Variants in CMTM8 observed in about 807,000 individuals in gnomAD.
CMTM8 encodes CKLF-like MARVEL transmembrane domain-containing protein 8.
In CMTM8, 12 loss-of-function variants were observed where a neutral mutation model predicts 18.6. The ratio of observed to expected loss-of-function variants is 0.65; its 90% confidence interval spans 0.41 to 1.05. The LOEUF (loss-of-function observed/expected upper bound fraction) is 1.05, where lower values mean the gene tolerates loss of function less well. Among genes scored for constraint, CMTM8 ranks in the 50% least tolerant of loss-of-function variants. The pLI, the probability that CMTM8 is intolerant of heterozygous loss-of-function variation, is 0.00. For missense variants in CMTM8, 217 were observed against 227.2 expected, an observed-to-expected ratio of 0.95 and a Z score of 0.29; for synonymous variants, 87 against 90.6, an observed-to-expected ratio of 0.96 and a Z score of 0.23.
intron 1 of CMTM8, among the ~76,000 whole-genome samples, chr3:32,300,074 C>G (rs142761710): frequency 6.6e-6 from 1 of 152,132 alleles, no homozygotes; most frequent in Admixed American, 6.5e-5. Flanking sequence ...CATACTTTTG[C>G]GTGACACAGC....
rs1435451056 is a variant in CMTM8 at position 32,302,183 on chromosome 3, A to AC, written c.148-55189dup. 4.4e-3 allele frequency among the ~76,000 whole-genome samples: 675 copies of AC among 151,992 alleles called. 2 individuals carry two copies. The highest frequency in any genetic ancestry group is 7.1e-3 in the Non-Finnish European group (483 of 67,982). ...CTGAAATGTGGCACGTGTCATAACT[A>AC]CTTGGAGGTGGGGGCTAAGGTGGGA... is the stretch of plus-strand genomic sequence containing the variant. On this transcript the variant is annotated intron_variant, in intron 1 of 3. Coordinates refer to ENST00000307526, the MANE Select transcript of CMTM8 (RefSeq NM_178868.5).
intron 1 of CMTM8, among the ~76,000 whole-genome samples, chr3:32,255,975 G>T (rs1169093797): frequency 6.6e-6 from 1 of 152,156 alleles, no homozygotes; most frequent in East Asian, 1.9e-4. Flanking sequence ...CAATACGCCT[G>T]CGTTGGCCTC....
chr3:32,281,341 T>G (rs1337478567), intron 1 of CMTM8, among the ~76,000 whole-genome samples: 3 of 152,220 alleles, frequency 2.0e-5, no homozygotes, highest in African/African-American at 7.2e-5. Context: ...TTGATTAATT[T>G]AGCACATGCA....
At chr3:32,314,916 C>A (rs1165647784) in intron 1 of CMTM8, among the ~76,000 whole-genome samples, 1 of 5,748 alleles carries the variant, frequency 1.7e-4, no homozygotes, top group Non-Finnish European at 5.6e-4. Flanking sequence ...GTACACAGAT[C>A]TTTATTTTTT....
intron 1 of CMTM8, among the ~76,000 whole-genome samples, chr3:32,243,290 G>A (rs186933383): frequency 2.7e-3 from 411 of 151,954 alleles, no homozygotes; most frequent in Middle Eastern, 0.01. Context: ...CAGCACTTTG[G>A]GAGGCTGAGG....
Position 32,255,597 on chromosome 3 carries a change from G to C in CMTM8, c.147+16478G>C, listed in dbSNP as rs768594286. ...TGAGTAATTATTTTAGAAAGGGTTT[G>C]AAAGTGGTAAACTTTTTGAGTCATT... is the stretch of plus-strand genomic sequence containing the variant. On this transcript the variant is annotated intron_variant, in intron 1 of 3. Transcript: ENST00000307526. Among the ~76,000 whole-genome samples, 4 of 152,252 alleles carry C rather than the reference G, an allele frequency of 2.6e-5. 1 individual carries two copies. The highest frequency in any genetic ancestry group is 6.8e-3 in the Middle Eastern group (2 of 294).
intron 2 of CMTM8, 35 bp from the exon 3 acceptor site, chr3:32,367,837 C>G (rs1166643892): frequency 2.1e-6 from 3 of 1,453,214 alleles, no homozygotes; most frequent in South Asian, 2.3e-5. Context: ...AGACCCTCCC[C>G]TCTCCCTAAA....
intron 1 of CMTM8, among the ~76,000 whole-genome samples, chr3:32,283,199 A>C (rs1702632140): frequency 6.6e-6 from 1 of 152,190 alleles, no homozygotes; most frequent in African/African-American, 2.4e-5. Context: ...ATAATGAAAA[A>C]AGTTGAGAAT....
At chr3:32,264,108 A>G (rs531041772) in intron 1 of CMTM8, among the ~76,000 whole-genome samples, 3 of 152,324 alleles carry the variant, frequency 2.0e-5, no homozygotes, top group African/African-American at 7.2e-5. Context: ...AACTCCACAA[A>G]GATACTCCTT....
chr3:32,347,735 T>G (rs899346079), intron 1 of CMTM8, among the ~76,000 whole-genome samples: 3 of 152,216 alleles, frequency 2.0e-5, no homozygotes, highest in Non-Finnish European at 4.4e-5. Context: ...GCCTTTCTGT[T>G]GGGTTGAATT....
At chr3:32,362,793 C>T (rs115976544) in intron 2 of CMTM8, among the ~76,000 whole-genome samples, 2,301 of 152,258 alleles carry the variant, frequency 0.015, 62 homozygotes, top group African/African-American at 0.052. Context: ...GGCTGAGAGT[C>T]AGAAAATGGG....
At chr3:32,362,767 A>G (rs911311405) in intron 2 of CMTM8, among the ~76,000 whole-genome samples, 2 of 152,218 alleles carry the variant, frequency 1.3e-5, no homozygotes, top group African/African-American at 4.8e-5. Flanking sequence ...AACTGAGCAC[A>G]TGACTTATTG....
At chr3:32,301,594 G>A (rs936537105) in intron 1 of CMTM8, among the ~76,000 whole-genome samples, 8 of 152,082 alleles carry the variant, frequency 5.3e-5, no homozygotes, top group African/African-American at 1.9e-4. Flanking sequence ...GGGGTCCTCT[G>A]TCTACCTGGA....
chr3:32,273,923 G>T (rs180719215), intron 1 of CMTM8, among the ~76,000 whole-genome samples: 1 of 152,246 alleles, frequency 6.6e-6, no homozygotes, highest in Admixed American at 6.5e-5. Flanking sequence ...GGTGGAAACT[G>T]GTTTTGGCAT....
At chr3:32,357,683 A>T in intron 2 of CMTM8, 137 bp downstream of exon 2, 1 of 783,048 alleles carries the variant, frequency 1.3e-6, no homozygotes, top group Non-Finnish European at 2.0e-6. Context: ...ACAGCAGATA[A>T]TCTCAGCATC....
intron 1 of CMTM8, among the ~76,000 whole-genome samples, chr3:32,350,459 G>C (rs1182908861): frequency 6.6e-6 from 1 of 150,706 alleles, no homozygotes; most frequent in African/African-American, 2.4e-5. Flanking sequence ...CCAGGTTCAA[G>C]CAATTCTTCT....
intron 1 of CMTM8, among the ~76,000 whole-genome samples, chr3:32,323,211 C>G (rs1696091464): frequency 6.6e-6 from 1 of 152,190 alleles, no homozygotes; most frequent in Non-Finnish European, 1.5e-5. Flanking sequence ...ATGGGGACAG[C>G]TGGACAACTA....
At chr3:32,356,409 C>A (rs1024492508) in intron 1 of CMTM8, among the ~76,000 whole-genome samples, 1 of 152,184 alleles carries the variant, frequency 6.6e-6, no homozygotes, top group Non-Finnish European at 1.5e-5. Context: ...CTTGCTCTAG[C>A]CTTCCTTTGT....
At chr3:32,285,533 T>A (rs1018667725) in intron 1 of CMTM8, among the ~76,000 whole-genome samples, 2 of 149,802 alleles carry the variant, frequency 1.3e-5, no homozygotes, top group Non-Finnish European at 3.0e-5. Context: ...AAAATTAAAT[T>A]AATAATAATA....
Sources: allele counts gnomAD v4.1 joint callset (sites outside exome capture counted in the v4.1 genomes callset), GRCh38; gene constraint gnomAD v4.1.1; transcripts MANE v1.5; gene names NCBI Gene and HGNC (gene_info 2026-07-23, HGNC 2026-07-21).